Variants in IQCB1 observed in about 807,000 individuals in gnomAD.
IQCB1 encodes IQ calmodulin-binding motif-containing protein 1.
IQCB1 carries 56 observed loss-of-function variants against 84.4 expected under a neutral mutation model. The observed-to-expected ratio is 0.66, with a 90% CI of 0.54 to 0.83. The LOEUF (loss-of-function observed/expected upper bound fraction) is 0.83. Among genes scored for constraint, IQCB1 ranks in the 40% least tolerant of loss-of-function variants. The pLI is 0.00. For missense variants in IQCB1, 629 were observed against 682.1 expected (o/e 0.92, Z 0.87); for synonymous variants, 210 against 234.8 (o/e 0.89, Z 0.96).
rs373909351 is a variant in IQCB1, at chr3:121,772,659, G to A, written c.1465C>T (p.Arg489Ter). Residue 489 changes from arginine to a stop codon, truncating the protein, a stop_gained, in exon 14 of 15, where the codon CGA (arginine) becomes TGA (stop). Coordinates refer to ENST00000310864, the MANE Select transcript of IQCB1 (RefSeq NM_001023570.4). LOFTEE classifies it high-confidence loss of function. ...CTGCCCATAAAGTAGTGTTGCAGTCGTTCTTGAGCTTGGGCATGGAGCTCC... is the reference window on the plus strand; with the variant it reads ...CTGCCCATAAAGTAGTGTTGCAGTCATTCTTGAGCTTGGGCATGGAGCTCC... Reference protein sequence around the residue: ...SRELHAQAQERLQHYFMGRAL... With the variant: ...SRELHAQAQE The A allele has an allele frequency of 4.5e-5, 72 of 1,614,054 alleles. No individual in the cohort carries two copies. Among genetic ancestry groups the A allele is most frequent in the South Asian group, 5.5e-5 (5 of 91,090 alleles).
rs564626087 is a variant in IQCB1, at chr3:121,782,206, G to A, written c.1279-332C>T. Among the ~76,000 whole-genome samples, 5 of 152,290 alleles carry A rather than the reference G, an allele frequency of 3.3e-5. No homozygotes were observed. The East Asian group carries it at 7.7e-4, about 23-fold the overall frequency. ...TTGATCTCTAGAGGACAGGTTCTAT[G>A]TCTATAGAAAAAAGGGTTCTTAATT... On this transcript the variant is annotated intron_variant, in intron 12 of 14. Coordinates refer to ENST00000310864, the MANE Select transcript of IQCB1 (RefSeq NM_001023570.4).
At chr3:121,825,203 G>A (rs6780302) in intron 5 of IQCB1, among the ~76,000 whole-genome samples, 37,377 of 151,702 alleles carry the variant, frequency 0.25, 4,949 homozygotes, top group Non-Finnish European at 0.28. Flanking sequence ...TGGGATTATA[G>A]GCATGTGCCA....
At chr3:121,776,821 A>G (rs1335202371) in intron 13 of IQCB1, among the ~76,000 whole-genome samples, 2 of 152,216 alleles carry the variant, frequency 1.3e-5, no homozygotes, top group African/African-American at 2.4e-5. Flanking sequence ...TTGTCCATTT[A>G]AAAAACAAAA....
chr3:121,799,415 G>C (rs955306489), intron 7 of IQCB1, 41 bp from the exon 8 acceptor site: 2 of 1,180,066 alleles, frequency 1.7e-6, no homozygotes, highest in African/African-American at 1.5e-5. Flanking sequence ...ATTACTAATT[G>C]ATGTACAGGT....
chr3:121,771,659 T>C (rs1250975132), intron 14 of IQCB1, among the ~76,000 whole-genome samples: 5 of 152,176 alleles, frequency 3.3e-5, no homozygotes, highest in African/African-American at 1.2e-4. Context: ...GAAACTTTAA[T>C]AGAACCTCAT....
Position 121,801,071 on chromosome 3 carries a change from T to G in IQCB1, c.588-1697A>C, listed in dbSNP as rs150324874. On this transcript the variant is annotated intron_variant, in intron 7 of 14. Coordinates refer to ENST00000310864, the MANE Select transcript of IQCB1 (RefSeq NM_001023570.4). ...TACTTTTCTGACCATTCTTTTTCAT[T>G]TGTCTTTGTGGGCTCCACTTCCCCA... 2.1e-3 allele frequency among the ~76,000 whole-genome samples: 320 copies of G among 152,098 alleles called. 2 individuals are homozygous for G. The highest frequency in any genetic ancestry group is 0.012 in the South Asian group (57 of 4,830).
chr3:121,808,954 AAGAG>A lies in IQCB1; in HGVS notation c.445_448del (p.Leu149SerfsTer31), dbSNP rs1156803164. The stretch of plus-strand genomic sequence containing the variant: ...TTCAACATGGCCTCCCAAAAGCCAG[AAGAG>A]AGAATCAGTCACAATTTGGAAAAAG... On this transcript the variant is annotated frameshift_variant, in exon 6 of 15. Coordinates refer to ENST00000310864, the MANE Select transcript of IQCB1 (RefSeq NM_001023570.4). LOFTEE classifies it high-confidence loss of function. 1 of 1,611,462 alleles carries A rather than the reference AAGAG, an allele frequency of 6.2e-7. No individual in the cohort carries two copies.
At chr3:121,808,005 T>C (rs980645345) in intron 6 of IQCB1, among the ~76,000 whole-genome samples, 6 of 152,030 alleles carry the variant, frequency 3.9e-5, no homozygotes, top group Non-Finnish European at 8.8e-5. Flanking sequence ...AAACCATTTC[T>C]TCATCTGTAA....
intron 10 of IQCB1, among the ~76,000 whole-genome samples, chr3:121,792,846 G>A (rs1249614600): frequency 2.0e-5 from 3 of 152,052 alleles, no homozygotes; most frequent in Admixed American, 6.6e-5. Flanking sequence ...TTTGTTCAGA[G>A]TTTCTCTAAT....
intron 11 of IQCB1, among the ~76,000 whole-genome samples, chr3:121,788,803 C>T (rs1277558176): frequency 6.6e-6 from 1 of 151,916 alleles, no homozygotes; most frequent in Admixed American, 6.5e-5. Flanking sequence ...ACTCTACATG[C>T]TTCCAAATTT....
chr3:121,776,718 G>A (rs1378735141), intron 13 of IQCB1, among the ~76,000 whole-genome samples: 2 of 152,030 alleles, frequency 1.3e-5, no homozygotes, highest in Non-Finnish European at 2.9e-5. Flanking sequence ...CCCTTATTGT[G>A]GTTTTAATGT....
chr3:121,788,529 T>C lies in IQCB1; in HGVS notation c.1130-97A>G, dbSNP rs1009700076. 5.9e-6 allele frequency: 4 copies of C among 675,116 alleles called. No individual in the cohort carries two copies. In the East Asian group the frequency reaches 1.1e-4, roughly 19 times the overall value. 41.8% of individuals were successfully genotyped at this position (675,116 alleles called of 1,614,324 possible). A position where few individuals can be genotyped will look rare whatever the true frequency, so the allele number is the denominator to read the frequency against. Reference sequence around the variant, plus strand: ...GATAATAATAATCTTGCATTCTTTTTATTTTTGTCAATATTGTTCACTAAT... The same window carrying C: ...GATAATAATAATCTTGCATTCTTTTCATTTTTGTCAATATTGTTCACTAAT... On this transcript the variant is annotated intron_variant, in intron 11 of 14. Transcript: ENST00000310864.
At chr3:121,796,141 G>A (rs1248490733) in intron 9 of IQCB1, among the ~76,000 whole-genome samples, 2 of 152,024 alleles carry the variant, frequency 1.3e-5, no homozygotes, top group Admixed American at 6.6e-5. Context: ...TTATGATTTT[G>A]TTACCTAATC....
chr3:121,807,353 T>G lies in IQCB1; in HGVS notation c.578A>C (p.Gln193Pro). 1 of 1,492,322 alleles carries G rather than the reference T, an allele frequency of 6.7e-7. No homozygotes were observed. Among genetic ancestry groups the G allele is most frequent in the Non-Finnish European group, 9.3e-7 (1 of 1,069,608 alleles). 92.4% of individuals were successfully genotyped at this position (1,492,322 alleles called of 1,614,324 possible). A position where few individuals can be genotyped will look rare whatever the true frequency, so the allele number is the denominator to read the frequency against. The change falls in exon 7 of 15, where the codon CAG becomes CCG. Residue 193 changes from glutamine to proline, a missense_variant. Physicochemically the swap from Gln to Pro is moderately conservative, Grantham distance 76. Transcript: ENST00000310864. ...AVMMMLQNIL[Q>P]INSGDLLRIG... The stretch of plus-strand genomic sequence containing the variant: ...GTAAAAACCAAGTCACCTGTTGATC[T>G]GTAGTATATTCTGTAGCATCATCAT...
At chr3:121,811,475 G>A (rs773291457) in intron 5 of IQCB1, among the ~76,000 whole-genome samples, 53 of 152,182 alleles carry the variant, frequency 3.5e-4, no homozygotes, top group Non-Finnish European at 6.9e-4. Flanking sequence ...CTTGTTCAGC[G>A]GGTCCCACTC....
chr3:121,830,013 C>A (rs1950579919), intron 2 of IQCB1, among the ~76,000 whole-genome samples: 1 of 152,082 alleles, frequency 6.6e-6, no homozygotes, highest in Non-Finnish European at 1.5e-5. Context: ...TCAAGACCAG[C>A]CTGGCCAACA....
intron 13 of IQCB1, among the ~76,000 whole-genome samples, chr3:121,775,526 T>C (rs148962507): frequency 3.3e-5 from 5 of 152,240 alleles, no homozygotes; most frequent in African/African-American, 1.2e-4. Flanking sequence ...CTAATGTAGA[T>C]GACAGGTTGA....
At chr3:121,832,664 T>C (rs774832974) in intron 2 of IQCB1, among the ~76,000 whole-genome samples, 30 of 152,312 alleles carry the variant, frequency 2.0e-4, no homozygotes, top group Non-Finnish European at 3.1e-4. Context: ...TAACAATCTT[T>C]TCCTCTATGG....
At chr3:121,830,984 T>A (rs957717857) in intron 2 of IQCB1, among the ~76,000 whole-genome samples, 1 of 152,174 alleles carries the variant, frequency 6.6e-6, no homozygotes, top group African/African-American at 2.4e-5. Context: ...AAAATGATTG[T>A]CCATGCTTCA....
Sources: allele counts gnomAD v4.1 joint callset (sites outside exome capture counted in the v4.1 genomes callset), GRCh38; gene constraint gnomAD v4.1.1; transcripts MANE v1.5; gene names NCBI Gene and HGNC (gene_info 2026-07-23, HGNC 2026-07-21).